Variants in TCF7L2 observed in about 807,000 individuals in gnomAD.
The protein encoded by TCF7L2 is transcription factor 7 like 2.
Under a neutral mutation model 77.9 loss-of-function variants are expected in TCF7L2, and 23 were observed. The observed-to-expected ratio is 0.30, with a 90% CI of 0.21 to 0.42. The LOEUF (loss-of-function observed/expected upper bound fraction) is 0.42. Among genes scored for constraint, TCF7L2 ranks in the 10% least tolerant of loss-of-function variants. The probability of loss-of-function intolerance (pLI) is 1.00; values close to 1 mark genes in which losing one functional copy is unlikely to be tolerated. For missense variants in TCF7L2, 654 were observed against 793.1 expected (o/e 0.82, Z 2.11); for synonymous variants, 413 against 340.2 (o/e 1.21, Z -2.36).
In TCF7L2 at chr10:113,167,456, C is replaced by T. The variant is rs149044108; in HGVS notation, c.*1484C>T. On this transcript the variant is annotated 3_prime_UTR_variant, in exon 14 of 14. Transcript: ENST00000627217. ...CATGAAGCGATTGTAAAACTGTCTC[C>T]GATTTTTCTCTGGTTTATTAAAATG... The T allele has an allele frequency of 6.7e-4, 149 of 222,670 alleles. 1 individual carries two copies. Among genetic ancestry groups the T allele is most frequent in the African/African-American group, 3.2e-3 (143 of 44,830 alleles). The allele number at this position is 222,670 out of a possible 1,614,324, so 13.8% of individuals were successfully genotyped here. A position where few individuals can be genotyped will look rare whatever the true frequency, so the allele number is the denominator to read the frequency against.
chr10:113,116,287 A>G (rs2063726661), intron 5 of TCF7L2, among the ~76,000 whole-genome samples: 1 of 152,208 alleles, frequency 6.6e-6, no homozygotes, highest in East Asian at 1.9e-4. Flanking sequence ...TGATACTCTC[A>G]AGTATTGTGG....
chr10:113,084,411 C>T (rs1038457865), intron 5 of TCF7L2, among the ~76,000 whole-genome samples: 8 of 152,160 alleles, frequency 5.3e-5, no homozygotes, highest in South Asian at 2.1e-4. Context: ...AGGAGGATGC[C>T]GGCTGGTTTG....
intron 5 of TCF7L2, among the ~76,000 whole-genome samples, chr10:113,131,518 T>C (rs1351277910): frequency 6.6e-6 from 1 of 152,236 alleles, no homozygotes; most frequent in Non-Finnish European, 1.5e-5. Flanking sequence ...GACCCTAGTT[T>C]ACTCAAATTA....
At position 113,166,397 on chromosome 10, in the gene TCF7L2, T is replaced by C. The variant is rs1405144297; in HGVS notation, c.*425T>C. On this transcript the variant is annotated 3_prime_UTR_variant, in exon 14 of 14. Coordinates refer to ENST00000627217, the MANE Select transcript of TCF7L2 (RefSeq NM_001146274.2). ...TATTAAATACGAGCTTGCGAACCAA[T>C]CATTTTACATCTGGTTTTTAAACCG... The C allele has an allele frequency of 2.2e-5, 5 of 228,814 alleles. No homozygotes were observed. Among genetic ancestry groups the C allele is most frequent in the Non-Finnish European group, 8.6e-6 (1 of 116,106 alleles). The allele number at this position is 228,814 out of a possible 1,614,324, so 14.2% of individuals were successfully genotyped here. A position where few individuals can be genotyped will look rare whatever the true frequency, so the allele number is the denominator to read the frequency against.
chr10:113,105,682 G>C (rs956751724), intron 5 of TCF7L2, among the ~76,000 whole-genome samples: 1 of 152,144 alleles, frequency 6.6e-6, no homozygotes, highest in Admixed American at 6.6e-5. Flanking sequence ...TCAAGTCTTT[G>C]CTCTGCCTTT....
At chr10:113,152,153 C>T (rs1410429271) in intron 10 of TCF7L2, among the ~76,000 whole-genome samples, 180 bp from the exon 11 acceptor site, 1 of 152,218 alleles carries the variant, frequency 6.6e-6, no homozygotes, top group Non-Finnish European at 1.5e-5. Flanking sequence ...TTTGTCTAAA[C>T]ATTCCTGTTA....
chr10:112,976,239 A>G (rs1359342551), intron 4 of TCF7L2, among the ~76,000 whole-genome samples: 2 of 152,202 alleles, frequency 1.3e-5, no homozygotes, highest in Admixed American at 6.5e-5. Context: ...ACCATTGAGG[A>G]TTATGAAGTA....
chr10:113,011,742 T>G (rs975647105), intron 4 of TCF7L2, among the ~76,000 whole-genome samples: 2 of 152,214 alleles, frequency 1.3e-5, no homozygotes, highest in Non-Finnish European at 2.9e-5. Flanking sequence ...CCTTGAGTAT[T>G]GCTTTTGAGT....
At chr10:113,118,520 G>GGGTGTGT (rs1555084613) in intron 5 of TCF7L2, among the ~76,000 whole-genome samples, 1 of 141,442 alleles carries the variant, frequency 7.1e-6, no homozygotes, top group African/African-American at 2.6e-5. Context: ...TCATCTGGGG[G>GGGTGTGT]GTGTGTGTGT....
intron 4 of TCF7L2, among the ~76,000 whole-genome samples, chr10:113,017,374 A>G (rs1190616056): frequency 8.6e-5 from 9 of 104,844 alleles, no homozygotes; most frequent in Non-Finnish European, 1.3e-4. Context: ...GAGGAAACAA[A>G]TGACCAGTGG....
intron 4 of TCF7L2, chr10:112,987,445 A>G (rs1240664201): frequency 1.4e-5 from 2 of 146,870 alleles, no homozygotes; most frequent in Non-Finnish European, 3.0e-5. Flanking sequence ...CCCCAAATGC[A>G]TTCAAAATAA....
At position 113,073,140 on chromosome 10, in the gene TCF7L2, GAGAGAGAGAGAC is replaced by G. The variant is rs1163279881; in HGVS notation, c.552+33026_552+33037del. Among the ~76,000 whole-genome samples the G allele has an allele frequency of 2.0e-5, 3 of 151,172 alleles. No homozygotes were observed. The South Asian group carries it at 6.3e-4, about 32-fold the overall frequency. On this transcript the variant is annotated intron_variant, in intron 5 of 13. Coordinates refer to ENST00000627217, the MANE Select transcript of TCF7L2 (RefSeq NM_001146274.2). ...TGTGTGTGTGTGTGTGAGAGAGAGA[GAGAGAGAGAGAC>G]AGAGAGAGAGATAGAGAGAAACATA... is the stretch of plus-strand genomic sequence containing the variant.
At chr10:113,086,849 C>T (rs2059892268) in intron 5 of TCF7L2, among the ~76,000 whole-genome samples, 1 of 151,728 alleles carries the variant, frequency 6.6e-6, no homozygotes, top group Non-Finnish European at 1.5e-5. Flanking sequence ...TAAGACATCT[C>T]CTACCCCCCT....
At chr10:113,069,812 C>T (rs571231602) in intron 5 of TCF7L2, among the ~76,000 whole-genome samples, 31 of 152,158 alleles carry the variant, frequency 2.0e-4, no homozygotes, top group Non-Finnish European at 2.8e-4. Context: ...GCTGATTCAT[C>T]GGCCTGATTG....
At chr10:113,112,916 CT>C (rs2136127428) in intron 5 of TCF7L2, among the ~76,000 whole-genome samples, 1 of 152,276 alleles carries the variant, frequency 6.6e-6, no homozygotes, top group African/African-American at 2.4e-5. Context: ...AGGCTTTTCC[CT>C]GATTATGCTT....
At chr10:113,144,134 G>T in intron 7 of TCF7L2, 109 bp downstream of exon 7, 1 of 688,394 alleles carries the variant, frequency 1.5e-6, no homozygotes, top group Non-Finnish European at 2.1e-6. Context: ...GTGTGTGTGT[G>T]TGTATGTGTG....
chr10:113,059,642 A>G (rs1376884588), intron 5 of TCF7L2, among the ~76,000 whole-genome samples: 1 of 152,134 alleles, frequency 6.6e-6, no homozygotes, highest in African/African-American at 2.4e-5. Flanking sequence ...GACATAAACA[A>G]AAATGTCAGT....
At chr10:113,122,538 G>GT (rs1395146856) in intron 5 of TCF7L2, among the ~76,000 whole-genome samples, 2 of 152,278 alleles carry the variant, frequency 1.3e-5, no homozygotes, top group East Asian at 3.9e-4. Context: ...TGGTAAGAAA[G>GT]TAACAGAGAG....
At position 113,035,856 on chromosome 10, in the gene TCF7L2, G is replaced by A. The variant is rs189368110; in HGVS notation, c.451-4169G>A. ...ATACTGACTGCCTGTGGCTGCTTTC[G>A]AGTTACAATGGCTGAGTCGAGTAGT... On this transcript the variant is annotated intron_variant, in intron 4 of 13. Transcript: ENST00000627217. Among the ~76,000 whole-genome samples, 45 of 152,314 alleles carry A rather than the reference G, an allele frequency of 3.0e-4. 3 individuals carry two copies. Among genetic ancestry groups the A allele is most frequent in the Admixed American group, 2.9e-3 (44 of 15,294 alleles).
Sources: allele counts gnomAD v4.1 joint callset (sites outside exome capture counted in the v4.1 genomes callset), GRCh38; gene constraint gnomAD v4.1.1; transcripts MANE v1.5; gene names NCBI Gene and HGNC (gene_info 2026-07-23, HGNC 2026-07-21).